Variants in GPR50 observed in about 807,000 individuals in gnomAD.
GPR50 encodes melatonin-related receptor.
Under a neutral mutation model 2.6 loss-of-function variants are expected in GPR50, and 1 was observed. That is an observed-to-expected ratio of 0.38 (90% CI 0.13 to 1.79). GPR50 has a LOEUF of 1.79. GPR50 is among the 40% of genes most tolerant of loss of function. GPR50 has a pLI of 0.33. For synonymous variants in GPR50, 233 were observed against 202.3 expected (o/e 1.15, Z -1.29); for missense variants, 535 against 522.1 (o/e 1.02, Z -0.24).
Position 151,180,367 on chromosome X carries a change from G to T in GPR50, c.784G>T (p.Val262Phe). The T allele has an allele frequency of 8.3e-7, 1 of 1,210,986 alleles. No individual in the cohort carries two copies. The change falls in exon 2 of 2, where the codon GTC (valine) becomes TTC (phenylalanine). Residue 262 changes from valine (V) to phenylalanine (F), a missense_variant. By Grantham distance (50) the Val-to-Phe change is conservative (BLOSUM62 -1). Transcript: ENST00000218316. ...CAACGTGCTCACTGTCTTGGTGGCTGTCAGTCCGAAGGAGATGGCAGGCAA... is the reference window on the plus strand; with the variant it reads ...CAACGTGCTCACTGTCTTGGTGGCTTTCAGTCCGAAGGAGATGGCAGGCAA... Reference protein sequence around the residue: ...PINVLTVLVAVSPKEMAGKIP... With the variant: ...PINVLTVLVAFSPKEMAGKIP...
At chrX:151,182,237 G>A (rs1218365684), downstream of GPR50, 1 of 110,913 alleles carries the variant, frequency 9.0e-6, no homozygotes, top group Non-Finnish European at 1.9e-5. Context: ...AGCATTTGCC[G>A]GGATTTTTTT....
chrX:151,176,607 C>CAG lies in GPR50; in HGVS notation c.-110_-109dup. ...ATGCTGTCATTTGCTCTCTGACTCT[C>CAG]AGAGAGGGAGGCACGCTTTCCTGGA... On this transcript the variant is annotated 5_prime_UTR_variant, in exon 1 of 2. Coordinates refer to ENST00000218316, the MANE Select transcript of GPR50 (RefSeq NM_004224.3). 2.1e-6 allele frequency: 1 copy of CAG among 485,240 alleles called. No homozygotes were observed. The highest frequency in any genetic ancestry group is 3.5e-6 in the Non-Finnish European group (1 of 285,559). The allele number at this position is 485,240 out of a possible 1,213,427, so 40.0% of individuals were successfully genotyped here.
Position 151,180,324 on chromosome X carries a change from A to G in GPR50, c.741A>G (p.Ala247=). The G allele has an allele frequency of 8.3e-7, 1 of 1,209,569 alleles. No individual in the cohort carries two copies. Among genetic ancestry groups the G allele is most frequent in the East Asian group, 3.0e-5 (1 of 33,786 alleles). The change falls in exon 2 of 2, where the codon GCA becomes GCG. Residue 247 remains alanine, a synonymous_variant. Transcript: ENST00000218316. ...LTMFVIFLLF[A]VCWCPINVLT... The stretch of plus-strand genomic sequence containing the variant: ...TGTTTGTGATCTTCCTCCTCTTTGC[A>G]GTGTGCTGGTGCCCTATCAACGTGC...
At position 151,181,406 on chromosome X, in the gene GPR50, T is replaced by C; in HGVS notation, c.1823T>C (p.Val608Ala). The C allele has an allele frequency of 8.4e-7, 1 of 1,189,110 alleles. No individual in the cohort carries two copies. The highest frequency in any genetic ancestry group is 1.1e-6 in the Non-Finnish European group (1 of 883,268). ...TACCATGATGTCGTGGTTATTGATG[T>C]TGAAGATGATCCTGATGAAATGGCT... ...NDYHDVVVID[V>A]EDDPDEMAV The change falls in exon 2 of 2, where the codon GTT becomes GCT. Residue 608 changes from valine to alanine, a missense_variant. Transcript: ENST00000218316.
rs750125551 is a variant in GPR50 at position 151,181,446 on chromosome X, C to T, written c.*9C>T. On this transcript the variant is annotated 3_prime_UTR_variant, in exon 2 of 2. Coordinates refer to ENST00000218316, the MANE Select transcript of GPR50 (RefSeq NM_004224.3). Reference sequence around the variant, plus strand: ...ATGAAATGGCTGTGTGAAAAATGCTCTCGTAGGTGGCCAGGCAGTGGTCCC... The same window carrying T: ...ATGAAATGGCTGTGTGAAAAATGCTTTCGTAGGTGGCCAGGCAGTGGTCCC... 4.3e-6 allele frequency: 5 copies of T among 1,151,808 alleles called. No homozygotes were observed. Among genetic ancestry groups the T allele is most frequent in the Non-Finnish European group, 5.8e-6 (5 of 859,933 alleles). 94.9% of individuals were successfully genotyped at this position (1,151,808 alleles called of 1,213,427 possible). A position where few individuals can be genotyped will look rare whatever the true frequency, so the allele number is the denominator to read the frequency against.
At position 151,180,676 on chromosome X, in the gene GPR50, G is replaced by A. The variant is rs374566932; in HGVS notation, c.1093G>A (p.Val365Ile). The A allele has an allele frequency of 6.7e-5, 81 of 1,209,644 alleles. 1 individual carries two copies. The Middle Eastern group carries it at 9.2e-4, about 14-fold the overall frequency. The change falls in exon 2 of 2, where the codon GTC becomes ATC. Residue 365 changes from valine to isoleucine, a missense_variant. Val to Ile is a conservative substitution (Grantham distance 29, BLOSUM62 3). Coordinates refer to ENST00000218316, the MANE Select transcript of GPR50 (RefSeq NM_004224.3). Reference sequence around the variant, plus strand: ...TGCTGTGGAGGAAACCCCGATGAATGTCCGGAATGTTCCATTACCTGGTGA... The same window carrying A: ...TGCTGTGGAGGAAACCCCGATGAATATCCGGAATGTTCCATTACCTGGTGA... ...CPAVEETPMNVRNVPLPGDAA... is the reference protein window; with the variant it reads ...CPAVEETPMNIRNVPLPGDAA...
At chrX:151,178,154 C>G (rs1455377832) in intron 1 of GPR50, among the ~76,000 whole-genome samples, 1 of 109,261 alleles carries the variant, frequency 9.2e-6, no homozygotes, top group African/African-American at 3.3e-5. Flanking sequence ...GGTGGGGAGA[C>G]CAGCTGGATT....
Position 151,176,618 on chromosome X carries a change from G to A in GPR50, c.-104G>A. On this transcript the variant is annotated 5_prime_UTR_variant, in exon 1 of 2. Transcript: ENST00000218316. ...TGCTCTCTGACTCTCAGAGAGGGAG[G>A]CACGCTTTCCTGGAGCTCCTGGTGA... The A allele has an allele frequency of 2.0e-6, 1 of 505,406 alleles. No homozygotes were observed. Among genetic ancestry groups the A allele is most frequent in the Admixed American group, 3.4e-5 (1 of 29,098 alleles). 41.7% of individuals were successfully genotyped at this position (505,406 alleles called of 1,213,427 possible).
intron 1 of GPR50, among the ~76,000 whole-genome samples, chrX:151,178,967 C>T (rs1447211634): frequency 8.9e-6 from 1 of 112,238 alleles, no homozygotes; most frequent in Non-Finnish European, 1.9e-5. Context: ...TGTGCCAGTG[C>T]GCGGCTCTGC....
downstream of GPR50, chrX:151,182,526 G>C (rs912865373): frequency 9.0e-6 from 1 of 111,647 alleles, no homozygotes; most frequent in Non-Finnish European, 1.9e-5. Context: ...TGGGGAGGGG[G>C]GCAAGGAGAA....
chrX:151,179,342 T>C (rs1408973592), intron 1 of GPR50, among the ~76,000 whole-genome samples: 1 of 110,329 alleles, frequency 9.1e-6, no homozygotes, highest in African/African-American at 3.3e-5. Context: ...TTTATCTTTT[T>C]CTAATTATTT....
At chrX:151,182,205 T>C (rs1205220513), downstream of GPR50, among the ~76,000 whole-genome samples, 1 of 112,126 alleles carries the variant, frequency 8.9e-6, no homozygotes, top group East Asian at 2.8e-4. Flanking sequence ...TTTTACCTTA[T>C]TTGTAATTAT....
intron 1 of GPR50, 50 bp from the exon 2 acceptor site, chrX:151,179,721 T>C: frequency 1.1e-6 from 1 of 886,259 alleles, no homozygotes; most frequent in Non-Finnish European, 1.6e-6. Flanking sequence ...CTTAAACCAC[T>C]TATTCTTCTC....
At chrX:151,177,859 G>A in intron 1 of GPR50, 1 of 114,866 alleles carries the variant, frequency 8.7e-6, no homozygotes, top group Non-Finnish European at 1.8e-5. Flanking sequence ...ACTGCCGAGC[G>A]GGAGGAGGCC....
At position 151,179,922 on chromosome X, in the gene GPR50, C is replaced by T. The variant is rs770603459; in HGVS notation, c.339C>T (p.Val113=). Residue 113 remains valine (V), a synonymous_variant, in exon 2 of 2, where the codon GTC becomes GTT. Coordinates refer to ENST00000218316, the MANE Select transcript of GPR50 (RefSeq NM_004224.3). ...GGTTCATCACAGGGCTGAGTGTGGT[C>T]GGCTCCATCTTCAACATCGTGGCAA... ...MVGFITGLSV[V]GSIFNIVAIA... 8.3e-6 allele frequency: 10 copies of T among 1,211,063 alleles called. No homozygotes were observed. Among genetic ancestry groups the T allele is most frequent in the East Asian group, 3.0e-5 (1 of 33,813 alleles).
chrX:151,177,231 C>A (rs1347437436), intron 1 of GPR50: 1 of 176,038 alleles, frequency 5.7e-6, no homozygotes, highest in Non-Finnish European at 1.1e-5. Context: ...GAGAGTCAGG[C>A]GATTCGCCCG....
rs761612420 is a variant in GPR50, at chrX:151,180,694, C to G, written c.1111C>G (p.Pro371Ala). The change falls in exon 2 of 2, where the codon CCT (proline) becomes GCT (alanine). Residue 371 changes from proline (P) to alanine (A), a missense_variant. Coordinates refer to ENST00000218316, the MANE Select transcript of GPR50 (RefSeq NM_004224.3). ...TPMNVRNVPL[P>A]GDAAAGHPDR... ...GATGAATGTCCGGAATGTTCCATTA[C>G]CTGGTGATGCTGCAGCTGGCCACCC... 1 of 1,211,590 alleles carries G rather than the reference C, an allele frequency of 8.3e-7. No individual in the cohort carries two copies. Among genetic ancestry groups the G allele is most frequent in the Non-Finnish European group, 1.1e-6 (1 of 895,405 alleles).
chrX:151,178,567 C>T (rs2048694064), intron 1 of GPR50, among the ~76,000 whole-genome samples: 1 of 111,909 alleles, frequency 8.9e-6, no homozygotes, highest in Non-Finnish European at 1.9e-5. Context: ...GGCTGTATTT[C>T]CCTGAATTCA....
At chrX:151,182,812 C>A (rs1405501278), downstream of GPR50, 1 of 112,483 alleles carries the variant, frequency 8.9e-6, no homozygotes, top group African/African-American at 3.2e-5. Flanking sequence ...TAATTCTATT[C>A]TGTATTTGTG....
Sources: gnomAD v4.1 joint callset for allele counts (sites outside exome capture counted in the v4.1 genomes callset) on GRCh38, gnomAD v4.1.1 for gene constraint, MANE v1.5 for transcripts, NCBI Gene and HGNC (gene_info 2026-07-23, HGNC 2026-07-21) for gene names.